The following NCKAP5 variants were observed in gnomAD, a reference collection of about 807,000 sequenced individuals.
NCKAP5 encodes nck-associated protein 5.
A neutral mutation model predicts 167.0 loss-of-function variants in NCKAP5; 92 were observed. The ratio of observed to expected loss-of-function variants is 0.55; its 90% CI spans 0.47 to 0.66. The LOEUF is 0.66. NCKAP5 is among the 30% of genes least tolerant of loss of function. The pLI, the probability that NCKAP5 is intolerant of heterozygous loss-of-function variation, is 0.00. For missense variants in NCKAP5, 2,378 were observed against 2,315.0 expected (o/e 1.03, Z -0.56); for synonymous variants, 891 against 877.4 (o/e 1.02, Z -0.27).
intron 5 of NCKAP5, among the ~76,000 whole-genome samples, chr2:133,142,898 A>T (rs1428457176): frequency 6.6e-6 from 1 of 152,160 alleles, no homozygotes; most frequent in African/African-American, 2.4e-5. Flanking sequence ...TTAGATTTAT[A>T]TGTAAAACTT....
chr2:133,483,248 T>C (rs1680615418), intron 3 of NCKAP5, among the ~76,000 whole-genome samples: 1 of 152,228 alleles, frequency 6.6e-6, no homozygotes, highest in Admixed American at 6.5e-5. Context: ...ATTATTATGG[T>C]GCATCTGGTC....
intron 5 of NCKAP5, among the ~76,000 whole-genome samples, chr2:133,182,280 C>G (rs1289096680): frequency 6.6e-6 from 1 of 152,132 alleles, no homozygotes; most frequent in Non-Finnish European, 1.5e-5. Flanking sequence ...ACAGTCTACC[C>G]AATGTAATTA....
chr2:133,467,912 T>C (rs531981428), intron 3 of NCKAP5, among the ~76,000 whole-genome samples: 57 of 129,028 alleles, frequency 4.4e-4, no homozygotes, highest in Non-Finnish European at 6.4e-4. Flanking sequence ...TTCTTCTTTA[T>C]TAGTCTTGCT....
intron 7 of NCKAP5, among the ~76,000 whole-genome samples, chr2:132,978,806 T>C (rs533365603): frequency 6.6e-6 from 1 of 152,344 alleles, no homozygotes; most frequent in Admixed American, 6.5e-5. Flanking sequence ...GATCACTTTA[T>C]AGACTTCTGC....
At chr2:132,772,060 TTG>T (rs1682124485) in intron 16 of NCKAP5, among the ~76,000 whole-genome samples, 1 of 151,992 alleles carries the variant, frequency 6.6e-6, no homozygotes, top group South Asian at 2.1e-4. Context: ...ATACTTACCA[TTG>T]TGTTTTAATT....
chr2:133,047,590 T>A (rs2149475263), intron 6 of NCKAP5, among the ~76,000 whole-genome samples: 1 of 152,338 alleles, frequency 6.6e-6, no homozygotes, highest in Admixed American at 6.5e-5. Flanking sequence ...GCCTCATCTG[T>A]CCCACCTCCT....
At chr2:133,466,397 G>GT (rs1194184397) in intron 3 of NCKAP5, among the ~76,000 whole-genome samples, 1 of 146,370 alleles carries the variant, frequency 6.8e-6, no homozygotes, top group African/African-American at 2.6e-5. Context: ...GTACCATGCT[G>GT]TTTTGGTTAC....
intron 9 of NCKAP5, among the ~76,000 whole-genome samples, chr2:132,870,196 G>A (rs779971912): frequency 2.1e-4 from 32 of 152,068 alleles, no homozygotes; most frequent in Non-Finnish European, 3.5e-4. Flanking sequence ...CGTTATTACT[G>A]TATGTATTTG....
intron 3 of NCKAP5, among the ~76,000 whole-genome samples, chr2:133,478,724 A>G (rs984304632): frequency 7.2e-5 from 11 of 152,240 alleles, no homozygotes; most frequent in African/African-American, 2.6e-4. Flanking sequence ...ATGCATTTCA[A>G]ATGTTTCATC....
chr2:132,905,773 A>G (rs1693963040), intron 8 of NCKAP5, among the ~76,000 whole-genome samples: 1 of 152,166 alleles, frequency 6.6e-6, no homozygotes, highest in African/African-American at 2.4e-5. Flanking sequence ...TGATTTTTAT[A>G]TACTCATACC....
chr2:133,043,533 CA>C (rs931466117), intron 6 of NCKAP5, among the ~76,000 whole-genome samples: 2 of 151,444 alleles, frequency 1.3e-5, no homozygotes, highest in South Asian at 2.1e-4. Context: ...AAAAAAATTG[CA>C]AAAAAAACTC....
intron 3 of NCKAP5, among the ~76,000 whole-genome samples, chr2:133,386,876 T>C (rs1687010453): frequency 6.6e-6 from 1 of 151,990 alleles, no homozygotes; most frequent in Non-Finnish European, 1.5e-5. Flanking sequence ...ACCCCTGCCT[T>C]TTTTTTGTTT....
chr2:133,459,953 T>C lies in NCKAP5; in HGVS notation c.69+57505A>G, dbSNP rs562838727. ...TATGTCTGTTTGATATTTAAAACAT[T>C]GATAAGTACATTTTCAAAGACTTAC... is the stretch of plus-strand genomic sequence containing the variant. On this transcript the variant is annotated intron_variant, in intron 3 of 19. Transcript: ENST00000409261. Among the ~76,000 whole-genome samples the C allele has an allele frequency of 3.3e-5, 5 of 152,338 alleles. No individual in the cohort carries two copies. In the South Asian group the frequency reaches 1.0e-3, roughly 32 times the overall value.
At chr2:133,584,851 C>T in the NCKAP5 span, among the ~76,000 whole-genome samples, 1 of 150,836 alleles carries the variant, frequency 6.6e-6, no homozygotes, top group East Asian at 2.0e-4. Context: ...AGCTAATATA[C>T]AATATAAGGA....
chr2:133,059,768 T>G (rs147823128), intron 6 of NCKAP5, among the ~76,000 whole-genome samples: 1 of 152,100 alleles, frequency 6.6e-6, no homozygotes, highest in Non-Finnish European at 1.5e-5. Flanking sequence ...TATAGTATAG[T>G]GTGAACCTAA....
intron 6 of NCKAP5, among the ~76,000 whole-genome samples, chr2:133,124,347 A>G (rs2149773545): frequency 6.6e-6 from 1 of 152,344 alleles, no homozygotes; most frequent in East Asian, 1.9e-4. Context: ...GAAATCAAGT[A>G]TCTTTATTCC....
chr2:133,438,338 G>A (rs1025558993), intron 3 of NCKAP5, among the ~76,000 whole-genome samples: 8 of 152,216 alleles, frequency 5.3e-5, no homozygotes, highest in African/African-American at 1.4e-4. Context: ...TAGGGTTTCT[G>A]TTTGAACAGT....
At chr2:132,923,607 G>A (rs1002339615) in intron 8 of NCKAP5, among the ~76,000 whole-genome samples, 1 of 151,978 alleles carries the variant, frequency 6.6e-6, no homozygotes, top group Non-Finnish European at 1.5e-5. Context: ...TCACCTAATG[G>A]GCTCTTTACA....
chr2:132,963,821 G>C lies in NCKAP5; in HGVS notation c.478C>G (p.Leu160Val), dbSNP rs752220416. The change falls in exon 8 of 20, where the codon CTT becomes GTT. Residue 160 changes from leucine to valine, a missense_variant. Transcript: ENST00000409261. ...GAATCCTCATCAACCACCATGTGAAGATCTTCCAAAGCTTCCTTATGTTTT... is the reference window on the plus strand; with the variant it reads ...GAATCCTCATCAACCACCATGTGAACATCTTCCAAAGCTTCCTTATGTTTT... ...ERKHKEALEDLHMVVDEDSRS... is the reference protein window; with the variant it reads ...ERKHKEALEDVHMVVDEDSRS... 3 of 1,613,726 alleles carry C rather than the reference G, an allele frequency of 1.9e-6. No homozygotes were observed. The highest frequency in any genetic ancestry group is 2.5e-6 in the Non-Finnish European group (3 of 1,179,854).
Sources: allele counts gnomAD v4.1 joint callset (sites outside exome capture counted in the v4.1 genomes callset), GRCh38; gene constraint gnomAD v4.1.1; transcripts MANE v1.5; gene names NCBI Gene and HGNC (gene_info 2026-07-23, HGNC 2026-07-21).